Variants in SLC6A5 observed in about 807,000 individuals in gnomAD.
SLC6A5 encodes the protein sodium- and chloride-dependent glycine transporter 2.
Under a neutral mutation model 90.5 loss-of-function variants are expected in SLC6A5, and 58 were observed. The observed-to-expected ratio is 0.64, with a 90% CI of 0.52 to 0.80. SLC6A5 has a LOEUF of 0.80. Ranked by LOEUF, SLC6A5 falls within the 30% of genes least tolerant of loss-of-function variation. The pLI is 0.00. For synonymous variants in SLC6A5, 427 were observed against 401.4 expected, an observed-to-expected ratio of 1.06 and a Z score of -0.76; for missense variants, 1,015 against 1,017.6, an observed-to-expected ratio of 1.00 and a Z score of 0.03.
intron 9 of SLC6A5, 68 bp downstream of exon 9, chr11:20,628,151 A>C: frequency 2.4e-6 from 3 of 1,249,332 alleles, no homozygotes. Context: ...CTGAGTTATC[A>C]GACACCTGAG....
rs1443549 is a variant in SLC6A5, at chr11:20,601,610, C to G, written c.485C>G (p.Ala162Gly). The change falls in exon 2 of 16, where the codon GCC (alanine) becomes GGC (glycine). Residue 162 changes from alanine (A) to glycine (G), a missense_variant. This residue lies in a region of SLC6A5 where 567 missense variants were observed against 507.3 expected (regional missense o/e 1.12). Transcript: ENST00000525748. The part of the protein sequence containing the change: ...VNMSQSTVVL[A>G]TDGITSVLPG... ...ATGAGCCAGAGCACCGTGGTGCTGGCCACGGATGGAATCACGTCCGTGCTC... is the reference window on the plus strand; with the variant it reads ...ATGAGCCAGAGCACCGTGGTGCTGGGCACGGATGGAATCACGTCCGTGCTC... 1,612,483 of 1,614,162 alleles carry G rather than the reference C, an allele frequency of 1. 805,422 individuals are homozygous for G. The highest frequency in any genetic ancestry group is 1 in the East Asian group (44,870 of 44,870).
intron 13 of SLC6A5, among the ~76,000 whole-genome samples, chr11:20,644,027 T>C (rs530027941): frequency 6.6e-6 from 1 of 152,328 alleles, no homozygotes; most frequent in African/African-American, 2.4e-5. Flanking sequence ...TGTACATACA[T>C]GATATATTTT....
intron 7 of SLC6A5, 47 bp downstream of exon 7, chr11:20,617,931 G>A: frequency 6.2e-7 from 1 of 1,604,274 alleles, no homozygotes. Context: ...ACACCCAGGG[G>A]CGGTTGCTTT....
rs936386287 is a variant in SLC6A5 at position 20,654,996 on chromosome 11, A to G, written c.*128A>G. 3 of 1,008,114 alleles carry G rather than the reference A, an allele frequency of 3.0e-6. No homozygotes were observed. The highest frequency in any genetic ancestry group is 3.4e-5 in the Admixed American group (2 of 58,822). The allele number at this position is 1,008,114 out of a possible 1,614,324, so 62.4% of individuals were successfully genotyped here. A position where few individuals can be genotyped will look rare whatever the true frequency, so the allele number is the denominator to read the frequency against. ...ACATCTTGGTTCACATCCACGCATG[A>G]GAGTGATTATGTAGAAAAGTAGGCA... On this transcript the variant is annotated 3_prime_UTR_variant, in exon 16 of 16. Transcript: ENST00000525748.
intron 10 of SLC6A5, 34 bp from the exon 11 acceptor site, chr11:20,636,273 G>C: frequency 3.0e-6 from 4 of 1,347,866 alleles, no homozygotes; most frequent in Non-Finnish European, 4.3e-6. Context: ...CTTGAGTAGG[G>C]CCTGCCTGCA....
chr11:20,623,397 C>G (rs1002103499), intron 7 of SLC6A5, among the ~76,000 whole-genome samples: 3 of 152,170 alleles, frequency 2.0e-5, no homozygotes, highest in South Asian at 2.1e-4. Context: ...CCCATGAAGT[C>G]TGGTGGCTCC....
intron 7 of SLC6A5, among the ~76,000 whole-genome samples, chr11:20,624,410 C>G (rs1421514626): frequency 6.6e-6 from 1 of 152,052 alleles, no homozygotes; most frequent in Non-Finnish European, 1.5e-5. Flanking sequence ...GCCTCAGCCT[C>G]CCAAAGTGCT....
chr11:20,626,895 G>A, intron 8 of SLC6A5, 53 bp downstream of exon 8: 1 of 1,531,794 alleles, frequency 6.5e-7, no homozygotes, highest in Non-Finnish European at 9.0e-7. Context: ...CCCTCTGGGA[G>A]GCTTGGGCAA....
At chr11:20,610,240 C>T (rs969300165) in intron 5 of SLC6A5, among the ~76,000 whole-genome samples, 1 of 152,220 alleles carries the variant, frequency 6.6e-6, no homozygotes, top group Non-Finnish European at 1.5e-5. Context: ...TGAGATGGCC[C>T]ATCATTCCCT....
intron 12 of SLC6A5, 44 bp downstream of exon 12, chr11:20,637,347 G>T: frequency 6.5e-7 from 1 of 1,538,464 alleles, no homozygotes; most frequent in Non-Finnish European, 9.0e-7. Flanking sequence ...GGGCAGGAGG[G>T]TGGGGGGCCA....
chr11:20,637,032 A>T, intron 11 of SLC6A5, 140 bp from the exon 12 acceptor site: 1 of 857,342 alleles, frequency 1.2e-6, no homozygotes, highest in Non-Finnish European at 2.0e-6. Context: ...GAGGCTTTTT[A>T]GACCCATTGA....
At chr11:20,604,573 G>A (rs930530987) in intron 3 of SLC6A5, 149 bp downstream of exon 3, 5 of 948,130 alleles carry the variant, frequency 5.3e-6, no homozygotes, top group Admixed American at 2.5e-5. Flanking sequence ...AGGCTTGAGT[G>A]CATAACCAGA....
At chr11:20,654,303 A>T (rs1192067883) in intron 15 of SLC6A5, among the ~76,000 whole-genome samples, 1 of 152,182 alleles carries the variant, frequency 6.6e-6, no homozygotes, top group Non-Finnish European at 1.5e-5. Context: ...CACTGTTGAG[A>T]CTACAGAACA....
chr11:20,650,234 G>C (rs1853499115), intron 14 of SLC6A5, among the ~76,000 whole-genome samples: 1 of 152,192 alleles, frequency 6.6e-6, no homozygotes, highest in Admixed American at 6.5e-5. Flanking sequence ...TGAATACAGG[G>C]AGCCATACAC....
intron 15 of SLC6A5, among the ~76,000 whole-genome samples, chr11:20,653,027 T>C (rs1481056787): frequency 2.6e-5 from 4 of 152,226 alleles, no homozygotes; most frequent in Non-Finnish European, 5.9e-5. Context: ...GATCCCTTGC[T>C]GGACCCAATT....
chr11:20,601,015 G>C (rs1160507234), intron 1 of SLC6A5, 114 bp from the exon 2 acceptor site: 11 of 1,032,986 alleles, frequency 1.1e-5, no homozygotes, highest in Non-Finnish European at 1.5e-5. Flanking sequence ...ATTCCAATTT[G>C]CTTCCCCAGA....
intron 14 of SLC6A5, 77 bp downstream of exon 14, chr11:20,647,011 G>A (rs1045466851): frequency 7.2e-6 from 7 of 969,486 alleles, no homozygotes; most frequent in African/African-American, 6.4e-5. Context: ...AACAGTGCAT[G>A]CCTGTTTACA....
chr11:20,607,728 A>G, intron 5 of SLC6A5, 76 bp downstream of exon 5: 1 of 1,163,910 alleles, frequency 8.6e-7, no homozygotes, highest in Non-Finnish European at 1.3e-6. Context: ...TTGAACATAT[A>G]TTATGCATGC....
At chr11:20,630,256 G>T (rs1853083164) in intron 9 of SLC6A5, among the ~76,000 whole-genome samples, 1 of 152,128 alleles carries the variant, frequency 6.6e-6, no homozygotes, top group Admixed American at 6.5e-5. Context: ...TCATATGGTG[G>T]AAGAGGCAGA....
Sources: allele counts gnomAD v4.1 joint callset (sites outside exome capture counted in the v4.1 genomes callset), GRCh38; gene constraint gnomAD v4.1.1; regional missense constraint gnomAD v4.1.1; transcripts MANE v1.5; gene names NCBI Gene and HGNC (gene_info 2026-07-23, HGNC 2026-07-21).